JMJD1C: variants seen among roughly 807,000 people sequenced by gnomAD.
JMJD1C encodes jumonji domain-containing protein 1C.
JMJD1C carries 31 observed loss-of-function variants against 245.3 expected under a neutral mutation model. The ratio of observed to expected loss-of-function variants is 0.13; its 90% CI spans 0.09 to 0.17. JMJD1C has a LOEUF of 0.17. JMJD1C is among the 10% of genes least tolerant of loss of function. The probability of loss-of-function intolerance (pLI) is 1.00; values close to 1 mark genes in which losing one functional copy is unlikely to be tolerated. For missense variants in JMJD1C, 2,691 were observed against 3,000.2 expected (o/e 0.90, Z 2.41); for synonymous variants, 1,057 against 1,017.4 (o/e 1.04, Z -0.74).
At chr10:63,336,745 A>G (rs1002835844) in intron 2 of JMJD1C, among the ~76,000 whole-genome samples, 5 of 152,166 alleles carry the variant, frequency 3.3e-5, no homozygotes, top group African/African-American at 1.2e-4. Flanking sequence ...TCCGATATCA[A>G]CTTGTCATTT....
At chr10:63,180,306 T>C (rs1843321113) in intron 22 of JMJD1C, among the ~76,000 whole-genome samples, 1 of 152,110 alleles carries the variant, frequency 6.6e-6, no homozygotes, top group Non-Finnish European at 1.5e-5. Context: ...CCACTGCTAA[T>C]TGAAACATTT....
chr10:63,508,910 A>G (rs764232217), intron 1 of JMJD1C, among the ~76,000 whole-genome samples: 1 of 152,168 alleles, frequency 6.6e-6, no homozygotes, highest in Non-Finnish European at 1.5e-5. Context: ...TTTTCAATCT[A>G]TATACCTTTT....
chr10:63,289,784 A>C (rs1858422388), intron 2 of JMJD1C, among the ~76,000 whole-genome samples: 1 of 152,182 alleles, frequency 6.6e-6, no homozygotes, highest in Non-Finnish European at 1.5e-5. Context: ...TACTATAACA[A>C]GATTTTACAT....
intron 22 of JMJD1C, among the ~76,000 whole-genome samples, chr10:63,179,642 G>A (rs764551726): frequency 6.6e-6 from 1 of 151,674 alleles, no homozygotes; most frequent in South Asian, 2.1e-4. Context: ...GCATGGTGGC[G>A]CCTGTCTGTA....
intron 2 of JMJD1C, among the ~76,000 whole-genome samples, chr10:63,293,060 A>G (rs1858969002): frequency 1.3e-5 from 2 of 152,100 alleles, no homozygotes; most frequent in South Asian, 4.1e-4. Flanking sequence ...CAAACAAACA[A>G]AACAAACAAA....
intron 3 of JMJD1C, among the ~76,000 whole-genome samples, chr10:63,251,464 T>G (rs1159137495): frequency 6.6e-6 from 1 of 152,188 alleles, no homozygotes; most frequent in African/African-American, 2.4e-5. Flanking sequence ...ATTAACAACT[T>G]TTATTAAATA....
chr10:63,331,900 A>C (rs1942190380), intron 2 of JMJD1C, among the ~76,000 whole-genome samples: 1 of 152,148 alleles, frequency 6.6e-6, no homozygotes, highest in Non-Finnish European at 1.5e-5. Context: ...GATTACATAC[A>C]TGAGCCACAG....
At position 63,208,081 on chromosome 10, in the gene JMJD1C, T is replaced by A. The variant is rs568159160; in HGVS notation, c.3588A>T (p.Thr1196=). The change falls in exon 10 of 26, where the codon ACA becomes ACT. Residue 1196 remains threonine, a synonymous_variant. Transcript: ENST00000399262. ...TATGTAATGCAGGCATACTGCGGAG[T>A]GTATTTGTAGAAGAAACTGTCAAAT... ...PTHLTVSSTN[T]LRSMPALHRA... The A allele has an allele frequency of 2.7e-4, 433 of 1,613,980 alleles. 5 individuals are homozygous for A. In the South Asian group the frequency reaches 4.5e-3, roughly 17 times the overall value.
chr10:63,167,689 G>T lies in JMJD1C; in HGVS notation c.*356C>A. The stretch of plus-strand genomic sequence containing the variant: ...GTAGTGAAAAATATCAGTAATTTTA[G>T]TAAACTGTACAAGGTCACATTTACA... On this transcript the variant is annotated 3_prime_UTR_variant, in exon 26 of 26. Transcript: ENST00000399262. 1 of 160,678 alleles carries T rather than the reference G, an allele frequency of 6.2e-6. No homozygotes were observed. The highest frequency in any genetic ancestry group is 1.4e-5 in the Non-Finnish European group (1 of 73,508). 10.0% of individuals were successfully genotyped at this position (160,678 alleles called of 1,614,324 possible).
intron 2 of JMJD1C, among the ~76,000 whole-genome samples, chr10:63,285,870 A>T (rs1314502251): frequency 2.0e-5 from 3 of 152,224 alleles, no homozygotes; most frequent in African/African-American, 7.2e-5. Context: ...CCAATGCCAT[A>T]GTTATTGGTT....
intron 3 of JMJD1C, among the ~76,000 whole-genome samples, chr10:63,244,714 A>G (rs1168684369): frequency 6.7e-6 from 1 of 149,326 alleles, no homozygotes; most frequent in East Asian, 2.0e-4. Context: ...GGTGGTGCGC[A>G]CCTATCGTCC....
intron 8 of JMJD1C, among the ~76,000 whole-genome samples, chr10:63,213,222 T>G (rs930605404): frequency 1.1e-4 from 16 of 150,378 alleles, no homozygotes; most frequent in African/African-American, 3.7e-4. Flanking sequence ...ATACCAAAAA[T>G]TTAAATCTAT....
intron 2 of JMJD1C, among the ~76,000 whole-genome samples, chr10:63,326,716 C>T (rs1183005131): frequency 6.6e-6 from 1 of 152,042 alleles, no homozygotes; most frequent in Non-Finnish European, 1.5e-5. Flanking sequence ...CTGGTCTCTA[C>T]TAAAAATACA....
At chr10:63,461,132 G>A (rs1329375607) in intron 1 of JMJD1C, among the ~76,000 whole-genome samples, 2 of 151,978 alleles carry the variant, frequency 1.3e-5, no homozygotes, top group Non-Finnish European at 2.9e-5. Context: ...CCCACCATTG[G>A]GGCAATTTCG....
In JMJD1C at chr10:63,208,704, C is replaced by A; in HGVS notation, c.2965G>T (p.Asp989Tyr). The A allele has an allele frequency of 6.2e-7, 1 of 1,614,072 alleles. No individual in the cohort carries two copies. Among genetic ancestry groups the A allele is most frequent in the East Asian group, 2.2e-5 (1 of 44,866 alleles). ...LDLNRSQTGK[D>Y]CHLHRHFVDP... Reference sequence around the variant, plus strand: ...ACAAAATGCCTATGTAAGTGACAATCTTTTCCAGTCTGTGACCTATTTAGA... The same window carrying A: ...ACAAAATGCCTATGTAAGTGACAATATTTTCCAGTCTGTGACCTATTTAGA... Residue 989 changes from aspartate (D) to tyrosine (Y), a missense_variant, in exon 10 of 26, where the codon GAT becomes TAT. By Grantham distance (160) the Asp-to-Tyr change is radical. This residue lies in a region of JMJD1C where 1,562 missense variants were observed against 1,490.7 expected (regional missense o/e 1.05). Transcript: ENST00000399262.
At chr10:63,462,661 T>G (rs1358601953) in intron 1 of JMJD1C, among the ~76,000 whole-genome samples, 4 of 152,136 alleles carry the variant, frequency 2.6e-5, no homozygotes, top group African/African-American at 7.2e-5. Context: ...GTCAGAGAGA[T>G]ACAACTTGGT....
intron 1 of JMJD1C, among the ~76,000 whole-genome samples, chr10:63,502,869 C>T (rs1363688178): frequency 2.6e-5 from 4 of 151,950 alleles, no homozygotes; most frequent in Admixed American, 6.6e-5. Context: ...AAGACTATTC[C>T]GAGAAACATG....
intron 1 of JMJD1C, among the ~76,000 whole-genome samples, chr10:63,386,528 T>C (rs1947603345): frequency 6.6e-6 from 1 of 152,184 alleles, no homozygotes; most frequent in Admixed American, 6.5e-5. Flanking sequence ...TGTAAGCACA[T>C]TGCTCAGGGT....
intron 1 of JMJD1C, among the ~76,000 whole-genome samples, chr10:63,445,928 T>A (rs759547384): frequency 7.7e-6 from 1 of 129,904 alleles, no homozygotes; most frequent in Non-Finnish European, 1.6e-5. Flanking sequence ...TAGGCTGGAG[T>A]GCAGTGGTGT....
Sources: allele counts gnomAD v4.1 joint callset (sites outside exome capture counted in the v4.1 genomes callset), GRCh38; gene constraint gnomAD v4.1.1; regional missense constraint gnomAD v4.1.1; transcripts MANE v1.5; gene names NCBI Gene and HGNC (gene_info 2026-07-23, HGNC 2026-07-21).